PGAP1: variants seen among roughly 807,000 people sequenced by gnomAD.
PGAP1 encodes the protein post-GPI attachment to proteins inositol deacylase 1, also known as GPI inositol-deacylase.
PGAP1 carries 76 observed loss-of-function variants against 127.0 expected under a neutral mutation model. The observed-to-expected ratio is 0.60, with a 90% CI of 0.50 to 0.72. The LOEUF is 0.72. PGAP1 is among the 30% of genes least tolerant of loss of function. PGAP1 has a pLI of 0.00. For missense variants in PGAP1, 982 were observed against 1,071.3 expected (o/e 0.92, Z 1.16); for synonymous variants, 362 against 366.5 (o/e 0.99, Z 0.14).
intron 4 of PGAP1, among the ~76,000 whole-genome samples, chr2:196,912,146 A>G (rs1433079016): frequency 1.3e-5 from 2 of 152,250 alleles, no homozygotes; most frequent in South Asian, 2.1e-4. Flanking sequence ...TTTAAAATCC[A>G]TAACATACTA....
chr2:196,920,124 T>C lies in PGAP1; in HGVS notation c.174A>G (p.Ala58=). The change falls in exon 2 of 27, where the codon GCA becomes GCG. Residue 58 remains alanine (A), a synonymous_variant. Transcript: ENST00000354764. ...ACAACTCATATGCGGGATAGCGTTT[T>C]GCCAGTTTCTTTGGAAGTTCTATTT... ...YQKIELPKKL[A]KRYPAYELYL... is the part of the protein sequence containing the mutation. The C allele has an allele frequency of 6.2e-7, 1 of 1,606,616 alleles. No individual in the cohort carries two copies. Among genetic ancestry groups the C allele is most frequent in the East Asian group, 2.2e-5 (1 of 44,784 alleles).
Position 196,837,199 on chromosome 2 carries a change from A to C in PGAP1, c.*4035T>G, listed in dbSNP as rs1559321792. 1 of 152,194 alleles carries C rather than the reference A, an allele frequency of 6.6e-6. No individual in the cohort carries two copies. Among genetic ancestry groups the C allele is most frequent in the Non-Finnish European group, 1.5e-5 (1 of 68,026 alleles). The allele number at this position is 152,194 out of a possible 1,614,324, so 9.4% of individuals were successfully genotyped here. The stretch of plus-strand genomic sequence containing the variant: ...TAATTCATAGTTTTGTGTTTCCTCC[A>C]TTTCCCAGAGCTTTCAAGAACTAAA... On this transcript the variant is annotated 3_prime_UTR_variant, in exon 27 of 27. Transcript: ENST00000354764.
intron 20 of PGAP1, among the ~76,000 whole-genome samples, chr2:196,852,537 TAATG>T (rs1244142379): frequency 1.3e-5 from 2 of 151,684 alleles, no homozygotes; most frequent in African/African-American, 4.8e-5. Context: ...ATATCAAAAA[TAATG>T]TATTATTGAT....
chr2:196,845,887 A>G lies in PGAP1; in HGVS notation c.2281T>C (p.Phe761Leu). 1 of 1,605,506 alleles carries G rather than the reference A, an allele frequency of 6.2e-7. No homozygotes were observed. The highest frequency in any genetic ancestry group is 8.5e-7 in the Non-Finnish European group (1 of 1,175,116). ...AILLSYLYYV[F>L]KVVHLQASLT... ...GCTTTACTGATTTGACATACCTTAA[A>G]CACATAGTAAAGATAAGAAAGAAGT... The change falls in exon 23 of 27, where the codon TTT becomes CTT. Residue 761 changes from phenylalanine (F) to leucine (L), a missense_variant. By Grantham distance (22) the Phe-to-Leu change is conservative. Transcript: ENST00000354764.
Position 196,893,163 on chromosome 2 carries a change from G to T in PGAP1, c.1010C>A (p.Pro337Gln). ...ACCTGTTAAGTCAGAAATTATAGCT[G>T]GATTTTCCTCAAAATGTTTTGATGG... is the stretch of plus-strand genomic sequence containing the variant. ...RHPSKHFEEN[P>Q]AIISDLTGTS... The change falls in exon 8 of 27, where the codon CCA (proline) becomes CAA (glutamine). Residue 337 changes from proline (P) to glutamine (Q), a missense_variant. Coordinates refer to ENST00000354764, the MANE Select transcript of PGAP1 (RefSeq NM_024989.4). The T allele has an allele frequency of 6.3e-7, 1 of 1,589,442 alleles. No homozygotes were observed. Among genetic ancestry groups the T allele is most frequent in the Non-Finnish European group, 8.6e-7 (1 of 1,161,926 alleles).
chr2:196,852,578 A>T (rs1489090440), intron 20 of PGAP1, among the ~76,000 whole-genome samples: 2 of 151,814 alleles, frequency 1.3e-5, no homozygotes, highest in Admixed American at 1.3e-4. Context: ...AAGGCATACA[A>T]ATGTGTTCTT....
chr2:196,843,684 G>A (rs1700477340), intron 25 of PGAP1, among the ~76,000 whole-genome samples: 1 of 151,964 alleles, frequency 6.6e-6, no homozygotes, highest in African/African-American at 2.4e-5. Flanking sequence ...AGCTGAGATC[G>A]CGCCACTGCA....
Position 196,845,891 on chromosome 2 carries a change from A to G in PGAP1, c.2277T>C (p.Tyr759=). 6.2e-7 allele frequency: 1 copy of G among 1,606,714 alleles called. No individual in the cohort carries two copies. The highest frequency in any genetic ancestry group is 8.5e-7 in the Non-Finnish European group (1 of 1,175,756). ...TACTGATTTGACATACCTTAAACAC[A>G]TAGTAAAGATAAGAAAGAAGTATGG... ...ALAILLSYLY[Y]VFKVVHLQAS... is the part of the protein sequence containing the mutation. Residue 759 remains tyrosine (Y), a synonymous_variant, in exon 23 of 27, where the codon TAT becomes TAC. Transcript: ENST00000354764.
In PGAP1 at chr2:196,858,742, G is replaced by A. The variant is rs1450004991; in HGVS notation, c.1861+6245C>T. ...ACATCAGCTATGAACCAGCTTCAGGGAAAAACAAAAAGATCAACAAAATAA... is the reference window on the plus strand; with the variant it reads ...ACATCAGCTATGAACCAGCTTCAGGAAAAAACAAAAAGATCAACAAAATAA... On this transcript the variant is annotated intron_variant, in intron 20 of 26. Transcript: ENST00000354764. Among the ~76,000 whole-genome samples, 5 of 151,868 alleles carry A rather than the reference G, an allele frequency of 3.3e-5. No homozygotes were observed. In the East Asian group the frequency reaches 7.7e-4, roughly 23 times the overall value.
At chr2:196,900,307 T>C (rs1457742236) in intron 5 of PGAP1, among the ~76,000 whole-genome samples, 1 of 152,216 alleles carries the variant, frequency 6.6e-6, no homozygotes, top group Non-Finnish European at 1.5e-5. Flanking sequence ...CAAGTTCTAT[T>C]GTGCTTAAGT....
chr2:196,847,912 C>A, intron 21 of PGAP1, 35 bp downstream of exon 21: 1 of 1,389,348 alleles, frequency 7.2e-7, no homozygotes, highest in Middle Eastern at 1.8e-4. Context: ...ATGTAAAACA[C>A]AATTAAAATC....
intron 20 of PGAP1, among the ~76,000 whole-genome samples, chr2:196,854,960 CT>C (rs1204441230): frequency 0.01 from 1,438 of 143,540 alleles, 5 homozygotes; most frequent in African/African-American, 0.025. Context: ...TCTTTTTAAA[CT>C]TTTTTTTTTT....
Position 196,836,981 on chromosome 2 carries a change from A to T in PGAP1, c.*4253T>A, listed in dbSNP as rs1700255357. The T allele has an allele frequency of 6.6e-6, 1 of 152,234 alleles. No individual in the cohort carries two copies. Among genetic ancestry groups the T allele is most frequent in the South Asian group, 2.1e-4 (1 of 4,830 alleles). The allele number at this position is 152,234 out of a possible 1,614,324, so 9.4% of individuals were successfully genotyped here. A position where few individuals can be genotyped will look rare whatever the true frequency, so the allele number is the denominator to read the frequency against. Reference sequence around the variant, plus strand: ...TAATCAACAAATGCCTAGTCATAGAAAGTCCCAACACATTTTCATTTTTCC... The same window carrying T: ...TAATCAACAAATGCCTAGTCATAGATAGTCCCAACACATTTTCATTTTTCC... On this transcript the variant is annotated 3_prime_UTR_variant, in exon 27 of 27. Coordinates refer to ENST00000354764, the MANE Select transcript of PGAP1 (RefSeq NM_024989.4).
intron 19 of PGAP1, 113 bp downstream of exon 19, chr2:196,870,828 T>C: frequency 1.3e-6 from 1 of 797,886 alleles, no homozygotes. Context: ...CTGTATGTGG[T>C]CTGCAAAAAA....
chr2:196,898,365 G>T lies in PGAP1; in HGVS notation c.812C>A (p.Ser271Ter). 1 of 1,605,988 alleles carries T rather than the reference G, an allele frequency of 6.2e-7. No individual in the cohort carries two copies. Among genetic ancestry groups the T allele is most frequent in the African/African-American group, 1.3e-5 (1 of 74,584 alleles). ...TGAGACCCAGGTCTTAGGCACTGCTGAACTCTAAAAGAAAAGAAAAAAATA... is the reference window on the plus strand; with the variant it reads ...TGAGACCCAGGTCTTAGGCACTGCTTAACTCTAAAAGAAAAGAAAAAAATA... ...HHTSALSVVS[S>*]AVPKTWVSTD... Residue 271 changes from serine (S) to a stop codon, truncating the protein, a stop_gained, in exon 6 of 27, where the codon TCA (serine) becomes TAA (stop). Transcript: ENST00000354764. LOFTEE classifies it high-confidence loss of function.
rs1004252320 is a variant in PGAP1, at chr2:196,844,031, A to G, written c.2382T>C (p.His794=). ...SRRSEKKSNH[H]KDSSIHHLRL... is the part of the protein sequence containing the mutation. The stretch of plus-strand genomic sequence containing the variant: ...GAAGATGGTGTATTGAGGAGTCTTT[A>G]TGATGATTGGATTTCTTTTCACTTC... The change falls in exon 25 of 27, where the codon CAT becomes CAC. Residue 794 remains histidine, a synonymous_variant. Transcript: ENST00000354764. The G allele has an allele frequency of 5.6e-6, 9 of 1,599,488 alleles. No individual in the cohort carries two copies. Among genetic ancestry groups the G allele is most frequent in the Non-Finnish European group, 7.7e-6 (9 of 1,171,062 alleles).
At chr2:196,843,058 C>T (rs1260821345) in intron 25 of PGAP1, among the ~76,000 whole-genome samples, 3 of 151,682 alleles carry the variant, frequency 2.0e-5, no homozygotes, top group Admixed American at 6.6e-5. Context: ...TGAAAATAAC[C>T]GGTATGAAAG....
chr2:196,888,850 T>C (rs1252957987), intron 10 of PGAP1, among the ~76,000 whole-genome samples: 1 of 152,120 alleles, frequency 6.6e-6, no homozygotes, highest in Admixed American at 6.5e-5. Flanking sequence ...AAAACATACT[T>C]TATGGATGAA....
chr2:196,841,325 C>A lies in PGAP1; in HGVS notation c.2678G>T (p.Gly893Val). Reference sequence around the variant, plus strand: ...ATGTGCTGACCCAAAAGCAATCACACCAACAGCCAGAGGAAGTGGAAATTG... The same window carrying A: ...ATGTGCTGACCCAAAAGCAATCACAACAACAGCCAGAGGAAGTGGAAATTG... The part of the protein sequence containing the change: ...TSQFPLPLAV[G>V]VIAFGSAHLY... Residue 893 changes from glycine to valine, a missense_variant, in exon 27 of 27, where the codon GGT (glycine) becomes GTT (valine). Coordinates refer to ENST00000354764, the MANE Select transcript of PGAP1 (RefSeq NM_024989.4). The A allele has an allele frequency of 6.2e-7, 1 of 1,613,740 alleles. No individual in the cohort carries two copies. Among genetic ancestry groups the A allele is most frequent in the Non-Finnish European group, 8.5e-7 (1 of 1,179,752 alleles).
Sources: allele counts gnomAD v4.1 joint callset (sites outside exome capture counted in the v4.1 genomes callset), GRCh38; gene constraint gnomAD v4.1.1; transcripts MANE v1.5; gene names NCBI Gene and HGNC (gene_info 2026-07-23, HGNC 2026-07-21).